Variants in DLEU7 observed in about 807,000 individuals in gnomAD.
DLEU7 encodes leukemia-associated protein 7.
DLEU7 carries 17 observed loss-of-function variants against 16.0 expected under a neutral mutation model. That is an observed-to-expected ratio of 1.06 (90% CI 0.73 to 1.59). The LOEUF (loss-of-function observed/expected upper bound fraction) is 1.59, where lower values mean the gene tolerates loss of function less well. Ranked by LOEUF, DLEU7 falls within the 40% of genes most tolerant of loss-of-function variation. The pLI is 0.00. For synonymous variants in DLEU7, 113 were observed against 139.8 expected, an observed-to-expected ratio of 0.81 and a Z score of 1.35; for missense variants, 308 against 314.9, an observed-to-expected ratio of 0.98 and a Z score of 0.17.
intron 1 of DLEU7, among the ~76,000 whole-genome samples, chr13:50,746,850 G>C (rs1874410255): frequency 6.6e-6 from 1 of 152,136 alleles, no homozygotes; most frequent in Non-Finnish European, 1.5e-5. Context: ...TCACTGAGCT[G>C]CAAGGCCTTG....
Position 50,802,753 on chromosome 13 carries a change from C to T in DLEU7, c.459+40435G>A, listed in dbSNP as rs76212918. Among the ~76,000 whole-genome samples, 1,169 of 152,226 alleles carry T rather than the reference C, an allele frequency of 7.7e-3. 10 individuals are homozygous for T. Among genetic ancestry groups the T allele is most frequent in the African/African-American group, 0.026 (1,094 of 41,526 alleles). On this transcript the variant is annotated intron_variant, in intron 1 of 1. Transcript: ENST00000400393. ...GACAACCAGTTCTCCTCACAGGAGG[C>T]GACCTGAATTACTAATTATATATGG... is the stretch of plus-strand genomic sequence containing the variant.
At chr13:50,780,487 CAT>C (rs1293798775) in intron 1 of DLEU7, among the ~76,000 whole-genome samples, 2 of 152,166 alleles carry the variant, frequency 1.3e-5, no homozygotes, top group African/African-American at 2.4e-5. Context: ...AACACATTAT[CAT>C]GTGGGAATCA....
chr13:50,824,476 T>C (rs537921243), intron 1 of DLEU7, among the ~76,000 whole-genome samples: 1 of 152,316 alleles, frequency 6.6e-6, no homozygotes, highest in South Asian at 2.1e-4. Flanking sequence ...CAAACATCCT[T>C]TCTGAGCTTG....
intron 1 of DLEU7, among the ~76,000 whole-genome samples, chr13:50,732,287 G>A (rs148930568): frequency 9.2e-5 from 14 of 152,092 alleles, no homozygotes; most frequent in East Asian, 1.9e-4. Flanking sequence ...TCTCCATCAC[G>A]TCTCACTTAC....
chr13:50,821,275 C>A (rs1340887757), downstream of DLEU7, among the ~76,000 whole-genome samples: 1 of 151,600 alleles, frequency 6.6e-6, no homozygotes, highest in Non-Finnish European at 1.5e-5. Flanking sequence ...GCATGTGGCA[C>A]CAATTGATTA....
Position 50,801,270 on chromosome 13 carries a change from C to A in DLEU7, c.459+41918G>T, listed in dbSNP as rs186130805. 1.3e-3 allele frequency among the ~76,000 whole-genome samples: 191 copies of A among 152,182 alleles called. 2 individuals carry two copies. Among genetic ancestry groups the A allele is most frequent in the Non-Finnish European group, 1.3e-3 (89 of 68,002 alleles). ...CAAAGTGAGCTCTCGGTAGCTGAAG[C>A]TGCATAACTACACCGTCACCCCTCC... On this transcript the variant is annotated intron_variant, in intron 1 of 1. Coordinates refer to the DLEU7 transcript ENST00000400393.
In DLEU7 at chr13:50,713,816, G is replaced by T. The variant is rs79247195; in HGVS notation, c.460-576C>A. ...CATGCCTCCTAAAAGCTCATTAAAG[G>T]CAGCAACACGGGATGGGGACTGTAA... On this transcript the variant is annotated intron_variant, in intron 1 of 1. Transcript: ENST00000400393. Among the ~76,000 whole-genome samples the T allele has an allele frequency of 1.4e-3, 209 of 152,288 alleles. 1 individual carries two copies. The highest frequency in any genetic ancestry group is 2.3e-3 in the Non-Finnish European group (156 of 68,016).
chr13:50,750,875 T>C (rs557374995), intron 1 of DLEU7, among the ~76,000 whole-genome samples: 1 of 152,312 alleles, frequency 6.6e-6, no homozygotes, highest in South Asian at 2.1e-4. Context: ...AATCGTATCA[T>C]CAGCAAACAG....
intron 1 of DLEU7, among the ~76,000 whole-genome samples, chr13:50,784,018 T>C (rs1218110801): frequency 6.6e-6 from 1 of 152,242 alleles, no homozygotes; most frequent in East Asian, 1.9e-4. Context: ...AAGCTCTAGC[T>C]TCAGTTCAGC....
At chr13:50,761,782 C>T (rs187754443) in intron 1 of DLEU7, among the ~76,000 whole-genome samples, 10 of 152,240 alleles carry the variant, frequency 6.6e-5, no homozygotes, top group Admixed American at 3.3e-4. Flanking sequence ...AAGTCTAAAT[C>T]AAAAAGTATT....
At chr13:50,762,614 T>G (rs1469056527) in intron 1 of DLEU7, among the ~76,000 whole-genome samples, 1 of 152,036 alleles carries the variant, frequency 6.6e-6, no homozygotes, top group Non-Finnish European at 1.5e-5. Flanking sequence ...TGTCAACACA[T>G]TAAATGGAGG....
At chr13:50,814,368 C>CCACT (rs1227256489) in intron 1 of DLEU7, among the ~76,000 whole-genome samples, 8 of 152,002 alleles carry the variant, frequency 5.3e-5, no homozygotes, top group Non-Finnish European at 7.4e-5. Flanking sequence ...AGCCAGCCGT[C>CCACT]CACTCACTCA....
At chr13:50,831,653 G>A (rs757276511) in intron 1 of DLEU7, among the ~76,000 whole-genome samples, 2 of 152,122 alleles carry the variant, frequency 1.3e-5, no homozygotes, top group African/African-American at 4.8e-5. Context: ...TGGCCCACAC[G>A]CCTGAGCACC....
At chr13:50,795,143 C>T (rs1254281860) in intron 1 of DLEU7, among the ~76,000 whole-genome samples, 12 of 152,018 alleles carry the variant, frequency 7.9e-5, no homozygotes, top group Admixed American at 6.6e-5. Flanking sequence ...GGTATACTAG[C>T]TCATATTATC....
intron 1 of DLEU7, among the ~76,000 whole-genome samples, chr13:50,758,033 T>C: frequency 6.8e-6 from 1 of 146,896 alleles, no homozygotes; most frequent in African/African-American, 2.5e-5. Context: ...AGATTTTTTT[T>C]TTTTTTTTTT....
chr13:50,790,705 G>A (rs1033356802), intron 1 of DLEU7, among the ~76,000 whole-genome samples: 1 of 152,066 alleles, frequency 6.6e-6, no homozygotes, highest in Non-Finnish European at 1.5e-5. Context: ...AGAGGACTCT[G>A]TTCAACCCAA....
intron 1 of DLEU7, among the ~76,000 whole-genome samples, chr13:50,772,246 G>A (rs1875339268): frequency 6.6e-6 from 1 of 152,102 alleles, no homozygotes; most frequent in Non-Finnish European, 1.5e-5. Flanking sequence ...CTTTTAATTG[G>A]AGCATTTAGC....
At chr13:50,730,520 G>C (rs1038701318) in intron 1 of DLEU7, among the ~76,000 whole-genome samples, 2 of 152,098 alleles carry the variant, frequency 1.3e-5, no homozygotes, top group Non-Finnish European at 2.9e-5. Flanking sequence ...TATAAGATAA[G>C]TGAACTCAGA....
intron 1 of DLEU7, among the ~76,000 whole-genome samples, chr13:50,827,941 G>T (rs1877145357): frequency 6.6e-6 from 1 of 151,982 alleles, no homozygotes; most frequent in African/African-American, 2.4e-5. Flanking sequence ...AAAGTGAATG[G>T]ATATTTAAAT....
Sources: gnomAD v4.1 joint callset for allele counts (sites outside exome capture counted in the v4.1 genomes callset) on GRCh38, gnomAD v4.1.1 for gene constraint, MANE v1.5 for transcripts, NCBI Gene and HGNC (gene_info 2026-07-23, HGNC 2026-07-21) for gene names.